NLGN1: variants seen among roughly 807,000 people sequenced by gnomAD.
NLGN1 encodes neuroligin-1.
A neutral mutation model predicts 65.5 loss-of-function variants in NLGN1; 12 were observed. That is an observed-to-expected ratio of 0.18 (90% CI 0.12 to 0.30). NLGN1 has a LOEUF of 0.30. NLGN1 is among the 10% of genes least tolerant of loss of function. NLGN1 has a pLI of 1.00. For missense variants in NLGN1, 750 were observed against 1,007.1 expected, an observed-to-expected ratio of 0.74 and a Z score of 3.46; for synonymous variants, 350 against 359.5, an observed-to-expected ratio of 0.97 and a Z score of 0.30.
At chr3:173,628,173 T>G (rs1755100587) in intron 3 of NLGN1, among the ~76,000 whole-genome samples, 1 of 152,136 alleles carries the variant, frequency 6.6e-6, no homozygotes, top group South Asian at 2.1e-4. Flanking sequence ...AGTCCTCACC[T>G]CTAGGATGAC....
chr3:173,789,533 C>G (rs996229843), intron 3 of NLGN1, among the ~76,000 whole-genome samples: 7 of 152,166 alleles, frequency 4.6e-5, no homozygotes, highest in Non-Finnish European at 8.8e-5. Flanking sequence ...GAAATGAAGG[C>G]TCAGAGATAG....
At chr3:174,162,750 T>C (rs1186784852) in intron 4 of NLGN1, among the ~76,000 whole-genome samples, 1 of 151,026 alleles carries the variant, frequency 6.6e-6, no homozygotes, top group African/African-American at 2.4e-5. Flanking sequence ...TCTTGTGAAA[T>C]GTGAGCTTCC....
At chr3:173,715,309 T>G (rs1769662850) in intron 3 of NLGN1, among the ~76,000 whole-genome samples, 1 of 152,220 alleles carries the variant, frequency 6.6e-6, no homozygotes, top group African/African-American at 2.4e-5. Flanking sequence ...AACACTTTCA[T>G]GTCCAATTCT....
Position 173,919,377 on chromosome 3 carries a change from G to C in NLGN1, c.646+111545G>C, listed in dbSNP as rs540510798. ...ACAAGCATATTTCAAAGAGGACAGA[G>C]CAGAAAAAAATTTTCTTGGGTTTTT... is the stretch of plus-strand genomic sequence containing the variant. On this transcript the variant is annotated intron_variant, in intron 4 of 6. Coordinates refer to ENST00000457714, the Ensembl canonical transcript of NLGN1. Among the ~76,000 whole-genome samples, 22 of 152,240 alleles carry C rather than the reference G, an allele frequency of 1.4e-4. No homozygotes were observed. In the South Asian group the frequency reaches 4.4e-3, roughly 30 times the overall value.
At chr3:173,590,834 A>C (rs1748357218) in intron 2 of NLGN1, among the ~76,000 whole-genome samples, 1 of 152,152 alleles carries the variant, frequency 6.6e-6, no homozygotes, top group Non-Finnish European at 1.5e-5. Flanking sequence ...GAGGCTTTTT[A>C]GTGATTTCAT....
intron 4 of NLGN1, among the ~76,000 whole-genome samples, chr3:173,846,394 A>G (rs1206772392): frequency 1.3e-5 from 2 of 152,166 alleles, no homozygotes; most frequent in East Asian, 1.9e-4. Context: ...TCTGAGGGAC[A>G]TACTCCCATG....
chr3:173,981,163 G>T (rs1350548488), intron 4 of NLGN1, among the ~76,000 whole-genome samples: 1 of 152,128 alleles, frequency 6.6e-6, no homozygotes. Flanking sequence ...GCTTCCTCAT[G>T]TGGGAATAAG....
At chr3:173,968,184 A>T (rs1715306713) in intron 4 of NLGN1, among the ~76,000 whole-genome samples, 1 of 152,198 alleles carries the variant, frequency 6.6e-6, no homozygotes, top group Non-Finnish European at 1.5e-5. Flanking sequence ...AGAGATTTAG[A>T]ATAGATCTTA....
At chr3:173,545,162 C>T (rs894914152) in intron 2 of NLGN1, among the ~76,000 whole-genome samples, 1 of 152,070 alleles carries the variant, frequency 6.6e-6, no homozygotes, top group Non-Finnish European at 1.5e-5. Flanking sequence ...GCAACCTCTG[C>T]CTCCCAGATT....
At chr3:174,256,783 T>A (rs888223221) in intron 4 of NLGN1, among the ~76,000 whole-genome samples, 1 of 152,106 alleles carries the variant, frequency 6.6e-6, no homozygotes, top group African/African-American at 2.4e-5. Context: ...AAGACTTAAA[T>A]GTAAAACCCA....
chr3:173,654,650 C>T (rs1203144540), intron 3 of NLGN1, among the ~76,000 whole-genome samples: 3 of 152,024 alleles, frequency 2.0e-5, no homozygotes, highest in Non-Finnish European at 2.9e-5. Flanking sequence ...ACTCTCCTAC[C>T]GTCCAAAAGC....
chr3:174,006,998 G>A (rs1365461198), intron 4 of NLGN1, among the ~76,000 whole-genome samples: 1 of 152,138 alleles, frequency 6.6e-6, no homozygotes, highest in Non-Finnish European at 1.5e-5. Flanking sequence ...AACCCAAGTG[G>A]GAGAGATTGC....
chr3:173,789,794 T>C (rs1242503932), intron 3 of NLGN1: 7 of 470,352 alleles, frequency 1.5e-5, no homozygotes, highest in Middle Eastern at 3.2e-4. Flanking sequence ...GATTAAGCAA[T>C]AAACTAAAGT....
chr3:173,954,493 C>A (rs913611108), intron 4 of NLGN1, among the ~76,000 whole-genome samples: 3 of 152,142 alleles, frequency 2.0e-5, no homozygotes, highest in African/African-American at 7.2e-5. Flanking sequence ...TCATTTCTAG[C>A]TTCCTGAATA....
intron 4 of NLGN1, among the ~76,000 whole-genome samples, chr3:173,818,180 A>G (rs1250694397): frequency 1.3e-5 from 2 of 152,216 alleles, no homozygotes; most frequent in African/African-American, 4.8e-5. Context: ...ATGTTAAAAA[A>G]GTCAGCCTCA....
chr3:174,230,408 G>T (rs988892751), intron 4 of NLGN1, among the ~76,000 whole-genome samples: 3 of 152,086 alleles, frequency 2.0e-5, no homozygotes, highest in African/African-American at 7.2e-5. Context: ...CCAGTGCCAA[G>T]AGTAATACAA....
chr3:173,928,334 T>A (rs528963264), intron 4 of NLGN1, among the ~76,000 whole-genome samples: 19 of 152,290 alleles, frequency 1.2e-4, no homozygotes, highest in African/African-American at 4.6e-4. Context: ...GACAGGAGCC[T>A]CAACTGTGTG....
rs1005027428 is a variant in NLGN1 at position 173,503,715 on chromosome 3, T to C, written c.-321+68637T>C. Among the ~76,000 whole-genome samples, 7 of 152,060 alleles carry C rather than the reference T, an allele frequency of 4.6e-5. No individual in the cohort carries two copies. The South Asian group carries it at 1.5e-3, about 32-fold the overall frequency. On this transcript the variant is annotated intron_variant, in intron 2 of 6. Coordinates refer to ENST00000457714, the Ensembl canonical transcript of NLGN1. ...TTATCTTTTTGAGGCCACCTGAAGA[T>C]AGTTTATTAATTTGTTGGTTTACCA...
chr3:173,774,024 A>G (rs1779952097), intron 3 of NLGN1, among the ~76,000 whole-genome samples: 1 of 152,206 alleles, frequency 6.6e-6, no homozygotes, highest in Admixed American at 6.5e-5. Flanking sequence ...AACAGAAAGG[A>G]CAGTGTTGCC....
Sources: gnomAD v4.1 joint callset for allele counts (sites outside exome capture counted in the v4.1 genomes callset) on GRCh38, gnomAD v4.1.1 for gene constraint, MANE v1.5 for transcripts, NCBI Gene and HGNC (gene_info 2026-07-23, HGNC 2026-07-21) for gene names.